Variants in TMEM245 observed in about 807,000 individuals in gnomAD.
TMEM245 encodes the protein transmembrane protein 245.
Under a neutral mutation model 101.2 loss-of-function variants are expected in TMEM245, and 69 were observed. That is an observed-to-expected ratio of 0.68 (90% CI 0.56 to 0.83). TMEM245 has a LOEUF of 0.83. Ranked by LOEUF, TMEM245 falls within the 40% of genes least tolerant of loss-of-function variation. The pLI, the probability that TMEM245 is intolerant of heterozygous loss-of-function variation, is 0.00. For synonymous variants in TMEM245, 537 were observed against 449.8 expected (o/e 1.19, Z -2.45); for missense variants, 1,075 against 1,092.8 (o/e 0.98, Z 0.23).
At chr9:109,039,025 G>T (rs1346716737) in intron 14 of TMEM245, 1 of 152,196 alleles carries the variant, frequency 6.6e-6, no homozygotes, top group East Asian at 1.9e-4. Flanking sequence ...CACTACAGAA[G>T]AAAAGCTGTA....
Position 109,119,803 on chromosome 9 carries a change from C to A in TMEM245, c.111G>T (p.Pro37=). Residue 37 remains proline (P), a synonymous_variant, in exon 1 of 18, where the codon CCG becomes CCT. Transcript: ENST00000374586. ...AGCGCAGCGCCAGCGCCGCGGTCCG[C>A]GGGGTCTCCCCGCCACCGCCACTCG... ...VGPSGGGGET[P]RTAALALRFD... 1 of 1,454,190 alleles carries A rather than the reference C, an allele frequency of 6.9e-7. No homozygotes were observed. Among genetic ancestry groups the A allele is most frequent in the South Asian group, 1.3e-5 (1 of 74,978 alleles). The allele number at this position is 1,454,190 out of a possible 1,614,324, so 90.1% of individuals were successfully genotyped here.
rs770548547 is a variant in TMEM245 at position 109,108,581 on chromosome 9, T to C, written c.580-11A>G. 3 of 1,566,070 alleles carry C rather than the reference T, an allele frequency of 1.9e-6. No individual in the cohort carries two copies. The highest frequency in any genetic ancestry group is 2.6e-6 in the Non-Finnish European group (3 of 1,151,502). On this transcript the variant is annotated splice_polypyrimidine_tract_variant and intron_variant, in intron 1 of 17. Coordinates refer to ENST00000374586, the MANE Select transcript of TMEM245 (RefSeq NM_032012.4). Reference sequence around the variant, plus strand: ...CACCAACGTCCAGATCTTAAATAAATGAAAGACACAGCTGTAAAATCTATA... The same window carrying C: ...CACCAACGTCCAGATCTTAAATAAACGAAAGACACAGCTGTAAAATCTATA...
At chr9:109,099,903 C>G (rs1359035507) in intron 3 of TMEM245, among the ~76,000 whole-genome samples, 2 of 152,168 alleles carry the variant, frequency 1.3e-5, no homozygotes, top group Non-Finnish European at 2.9e-5. Context: ...AGGGTGAGTT[C>G]AGCCCCAGCC....
intron 11 of TMEM245, among the ~76,000 whole-genome samples, chr9:109,057,928 T>TC (rs1828890844): frequency 6.7e-6 from 1 of 150,332 alleles, no homozygotes; most frequent in Admixed American, 6.6e-5. Context: ...TTACTTTCTT[T>TC]TTTTTTTTTT....
At chr9:109,087,444 G>A in intron 5 of TMEM245, 102 bp from the exon 6 acceptor site, 2 of 1,153,510 alleles carry the variant, frequency 1.7e-6, no homozygotes, top group Non-Finnish European at 1.2e-6. Flanking sequence ...AAACAACAAA[G>A]CTAGTATTAA....
chr9:109,085,609 T>G (rs1247695613), intron 7 of TMEM245, among the ~76,000 whole-genome samples: 5 of 152,238 alleles, frequency 3.3e-5, no homozygotes, highest in African/African-American at 1.2e-4. Context: ...CCTGTGTCTT[T>G]TATAGAAAAA....
intron 17 of TMEM245, among the ~76,000 whole-genome samples, chr9:109,032,365 C>CCTTTTTTTT: frequency 2.4e-5 from 1 of 40,980 alleles, no homozygotes; most frequent in Non-Finnish European, 4.4e-5. Flanking sequence ...ATTTCTTTTC[C>CCTTTTTTTT]TTTTTTTTTT....
intron 3 of TMEM245, among the ~76,000 whole-genome samples, chr9:109,104,662 A>ATG (rs778760030): frequency 6.6e-5 from 10 of 152,242 alleles, no homozygotes; most frequent in Non-Finnish European, 1.0e-4. Flanking sequence ...AATCAAAAGA[A>ATG]TGTGTTAACT....
intron 12 of TMEM245, among the ~76,000 whole-genome samples, chr9:109,052,418 C>G (rs574390917): frequency 6.6e-6 from 1 of 152,342 alleles, no homozygotes; most frequent in East Asian, 1.9e-4. Context: ...CTCACAACAT[C>G]TGATTTTTGT....
At chr9:109,094,744 T>C (rs1830094039) in intron 3 of TMEM245, among the ~76,000 whole-genome samples, 1 of 152,188 alleles carries the variant, frequency 6.6e-6, no homozygotes, top group Admixed American at 6.5e-5. Flanking sequence ...TGGGGTAGAT[T>C]CTATTGTTCA....
At chr9:109,076,530 TA>T (rs149968007) in intron 8 of TMEM245, among the ~76,000 whole-genome samples, 2,723 of 151,280 alleles carry the variant, frequency 0.018, 38 homozygotes, top group South Asian at 0.035. Flanking sequence ...TAAAGTATAA[TA>T]AAAAAAAAGT....
chr9:109,073,844 C>CTT (rs1286950802), intron 8 of TMEM245, among the ~76,000 whole-genome samples: 115 of 121,528 alleles, frequency 9.5e-4, no homozygotes, highest in African/African-American at 2.9e-3. Flanking sequence ...AAGGAACTAA[C>CTT]TTTTTTTTTT....
At chr9:109,026,080 CCTT>C (rs1827782600) in intron 17 of TMEM245, among the ~76,000 whole-genome samples, 1 of 152,192 alleles carries the variant, frequency 6.6e-6, no homozygotes. Flanking sequence ...AAAGCCAAGC[CCTT>C]TCAGAGCTCA....
intron 9 of TMEM245, among the ~76,000 whole-genome samples, chr9:109,069,304 A>G: frequency 6.6e-6 from 1 of 152,134 alleles, no homozygotes; most frequent in East Asian, 1.9e-4. Context: ...AAAGAAAAGG[A>G]GCCCTCTGGA....
chr9:109,032,858 G>A (rs1407064048), intron 17 of TMEM245, among the ~76,000 whole-genome samples: 1 of 144,606 alleles, frequency 6.9e-6, no homozygotes, highest in Non-Finnish European at 1.5e-5. Flanking sequence ...GAGTCCAGTG[G>A]CACAATCTGG....
At chr9:109,050,493 C>G (rs1828641999) in intron 13 of TMEM245, 65 bp from the exon 14 acceptor site, 1 of 1,611,676 alleles carries the variant, frequency 6.2e-7, no homozygotes, top group Non-Finnish European at 8.5e-7. Flanking sequence ...AGACAGACAT[C>G]TGCAATTGCA....
intron 4 of TMEM245, among the ~76,000 whole-genome samples, chr9:109,092,442 G>C (rs1041672250): frequency 1.4e-4 from 22 of 152,210 alleles, no homozygotes; most frequent in African/African-American, 5.3e-4. Context: ...TAAAAGTGCA[G>C]GGCTAAAGCC....
chr9:109,051,705 A>G (rs1235726456), intron 12 of TMEM245, among the ~76,000 whole-genome samples: 1 of 152,208 alleles, frequency 6.6e-6, no homozygotes, highest in Non-Finnish European at 1.5e-5. Context: ...TATGTGACAC[A>G]GGCCATGACT....
At chr9:109,109,511 G>A (rs1830514118) in intron 1 of TMEM245, among the ~76,000 whole-genome samples, 1 of 151,346 alleles carries the variant, frequency 6.6e-6, no homozygotes, top group Admixed American at 6.6e-5. Flanking sequence ...AAGAACTGAT[G>A]GGATTACTAA....
Sources: allele counts gnomAD v4.1 joint callset (sites outside exome capture counted in the v4.1 genomes callset), GRCh38; gene constraint gnomAD v4.1.1; transcripts MANE v1.5; gene names NCBI Gene and HGNC (gene_info 2026-07-23, HGNC 2026-07-21).